PTDSS1: variants seen among roughly 807,000 people sequenced by gnomAD.
PTDSS1 encodes the protein PSS-1.
A neutral mutation model predicts 70.5 loss-of-function variants in PTDSS1; 45 were observed. The ratio of observed to expected loss-of-function variants is 0.64; its 90% CI spans 0.50 to 0.82. PTDSS1 has a LOEUF of 0.82. Among genes scored for constraint, PTDSS1 ranks in the 40% least tolerant of loss-of-function variants. The pLI, the probability that PTDSS1 is intolerant of heterozygous loss-of-function variation, is 0.00. For missense variants in PTDSS1, 417 were observed against 586.1 expected (o/e 0.71, Z 2.98); for synonymous variants, 188 against 203.8 (o/e 0.92, Z 0.66).
chr8:96,278,190 A>G (rs1810676757), intron 2 of PTDSS1, among the ~76,000 whole-genome samples: 1 of 152,192 alleles, frequency 6.6e-6, no homozygotes, highest in Non-Finnish European at 1.5e-5. Flanking sequence ...CCTCCAGCAC[A>G]CTTACATGTC....
At chr8:96,287,214 C>A in intron 4 of PTDSS1, 68 bp downstream of exon 4, 1 of 1,551,470 alleles carries the variant, frequency 6.4e-7, no homozygotes, top group Non-Finnish European at 8.8e-7. Context: ...AGGTAATAGA[C>A]TTGACATTTT....
chr8:96,266,026 G>A (rs1339803737), intron 1 of PTDSS1, among the ~76,000 whole-genome samples: 1 of 152,084 alleles, frequency 6.6e-6, no homozygotes, highest in Non-Finnish European at 1.5e-5. Flanking sequence ...CTCAAGCTCA[G>A]AGTATAATAA....
intron 4 of PTDSS1, among the ~76,000 whole-genome samples, chr8:96,289,751 G>A (rs1278294246): frequency 6.6e-6 from 1 of 152,160 alleles, no homozygotes; most frequent in African/African-American, 2.4e-5. Context: ...TTCCCCCATG[G>A]TGACATTGGT....
chr8:96,304,428 C>T (rs1376455371), intron 7 of PTDSS1, among the ~76,000 whole-genome samples: 2 of 152,052 alleles, frequency 1.3e-5, no homozygotes, highest in African/African-American at 2.4e-5. Flanking sequence ...GATTAGATTC[C>T]GTGAAATAAT....
chr8:96,335,392 A>G lies in PTDSS1; in HGVS notation c.*1826A>G, dbSNP rs1031321928. The G allele has an allele frequency of 6.6e-6, 1 of 152,180 alleles. No individual in the cohort carries two copies. Among genetic ancestry groups the G allele is most frequent in the Non-Finnish European group, 1.5e-5 (1 of 68,038 alleles). The allele number at this position is 152,180 out of a possible 1,614,324, so 9.4% of individuals were successfully genotyped here. A position where few individuals can be genotyped will look rare whatever the true frequency, so the allele number is the denominator to read the frequency against. On this transcript the variant is annotated 3_prime_UTR_variant, in exon 13 of 13. Transcript: ENST00000517309. ...AGAAGACACCTGTCTCTTCTTTCTC[A>G]CACCGGTGGTGCCTCACTGAGTGTT...
At chr8:96,290,039 G>A (rs1335863551) in intron 4 of PTDSS1, among the ~76,000 whole-genome samples, 2 of 152,042 alleles carry the variant, frequency 1.3e-5, no homozygotes, top group African/African-American at 4.8e-5. Flanking sequence ...TTCTACATAA[G>A]CCTCGTGCAT....
chr8:96,321,680 T>C (rs1811374463), intron 10 of PTDSS1, among the ~76,000 whole-genome samples: 1 of 152,220 alleles, frequency 6.6e-6, no homozygotes, highest in African/African-American at 2.4e-5. Context: ...TTTTTTCTTT[T>C]CTTTTCTCTT....
At chr8:96,309,711 A>G in intron 9 of PTDSS1, 89 bp downstream of exon 9, 1 of 1,305,738 alleles carries the variant, frequency 7.7e-7, no homozygotes, top group Non-Finnish European at 1.1e-6. Context: ...AGAGCCTTTC[A>G]GTATAATTTT....
chr8:96,303,313 C>T (rs1338925978), intron 6 of PTDSS1, among the ~76,000 whole-genome samples: 1 of 152,130 alleles, frequency 6.6e-6, no homozygotes, highest in African/African-American at 2.4e-5. Flanking sequence ...GATGAAGGAA[C>T]AGCCCTGGTT....
At chr8:96,273,458 T>A in intron 2 of PTDSS1, 68 bp downstream of exon 2, 1 of 1,178,968 alleles carries the variant, frequency 8.5e-7, no homozygotes, top group Non-Finnish European at 1.2e-6. Context: ...GAGATGTGAG[T>A]CATCTAGAAG....
chr8:96,323,339 C>A (rs1346620054), intron 10 of PTDSS1, among the ~76,000 whole-genome samples: 1 of 152,250 alleles, frequency 6.6e-6, no homozygotes, highest in Non-Finnish European at 1.5e-5. Flanking sequence ...TGGCTCTCTG[C>A]AGTGGCACTG....
At chr8:96,313,187 A>C (rs540850655) in intron 9 of PTDSS1, among the ~76,000 whole-genome samples, 1 of 152,138 alleles carries the variant, frequency 6.6e-6, no homozygotes, top group African/African-American at 2.4e-5. Context: ...TGTTTTTATG[A>C]ATTACTTGCT....
chr8:96,277,973 C>T (rs901474074), intron 2 of PTDSS1, among the ~76,000 whole-genome samples: 4 of 152,226 alleles, frequency 2.6e-5, no homozygotes, highest in African/African-American at 9.6e-5. Flanking sequence ...GGTTGGCAGA[C>T]TGGCTTATTC....
Position 96,295,178 on chromosome 8 carries a change from G to A in PTDSS1, c.522G>A (p.Trp174Ter), listed in dbSNP as rs757948467. Residue 174 changes from tryptophan to a stop codon, truncating the protein, a stop_gained, in exon 5 of 13, where the codon TGG becomes TGA. Transcript: ENST00000517309. LOFTEE classifies it high-confidence loss of function. ...ATATTTTTGCATTTGGACATTTCTG[G>A]GGCTGGGCCATGAAGGCCTTGCTGA... ...HFDIFAFGHF[W>*]GWAMKALLIR... 3.1e-6 allele frequency: 5 copies of A among 1,614,018 alleles called. No homozygotes were observed. The highest frequency in any genetic ancestry group is 8.5e-7 in the Non-Finnish European group (1 of 1,180,024).
At chr8:96,293,565 T>C (rs1810935777) in intron 4 of PTDSS1, among the ~76,000 whole-genome samples, 1 of 152,274 alleles carries the variant, frequency 6.6e-6, no homozygotes, top group Non-Finnish European at 1.5e-5. Context: ...CAATGCCCTG[T>C]GGCCCTTCCA....
intron 2 of PTDSS1, among the ~76,000 whole-genome samples, 195 bp from the exon 3 acceptor site, chr8:96,283,914 T>A (rs1810782879): frequency 6.6e-6 from 1 of 151,920 alleles, no homozygotes. Flanking sequence ...ATGATTGTGG[T>A]GACAGTCGTT....
intron 4 of PTDSS1, among the ~76,000 whole-genome samples, chr8:96,288,625 C>G (rs920869898): frequency 1.2e-5 from 1 of 84,648 alleles, no homozygotes; most frequent in African/African-American, 5.8e-5. Context: ...CACGCTTGGC[C>G]TTTTTTTTTT....
At chr8:96,322,386 C>T (rs756557456) in intron 10 of PTDSS1, among the ~76,000 whole-genome samples, 1 of 152,116 alleles carries the variant, frequency 6.6e-6, no homozygotes, top group East Asian at 1.9e-4. Context: ...GCAAGGGTCA[C>T]CCCATGATGG....
rs1242663246 is a variant in PTDSS1 at position 96,334,697 on chromosome 8, A to G, written c.*1131A>G. ...AAAAAAGAAAAGATGTGTATTTTAA[A>G]GGGCTTACAGACATATATGTCCTAC... On this transcript the variant is annotated 3_prime_UTR_variant, in exon 13 of 13. Transcript: ENST00000517309. 1 of 152,314 alleles carries G rather than the reference A, an allele frequency of 6.6e-6. No homozygotes were observed. The highest frequency in any genetic ancestry group is 1.5e-5 in the Non-Finnish European group (1 of 68,038). The allele number at this position is 152,314 out of a possible 1,614,324, so 9.4% of individuals were successfully genotyped here. A position where few individuals can be genotyped will look rare whatever the true frequency, so the allele number is the denominator to read the frequency against.
Sources: gnomAD v4.1 joint callset for allele counts (sites outside exome capture counted in the v4.1 genomes callset) on GRCh38, gnomAD v4.1.1 for gene constraint, MANE v1.5 for transcripts, NCBI Gene and HGNC (gene_info 2026-07-23, HGNC 2026-07-21) for gene names.